Variants in RPS6KA2 observed in about 807,000 individuals in gnomAD.
RPS6KA2 encodes the protein ribosomal protein S6 kinase alpha-2.
In RPS6KA2, 42 loss-of-function variants were observed where a neutral mutation model predicts 91.8. The observed-to-expected ratio is 0.46, with a 90% CI of 0.36 to 0.59. The LOEUF is 0.59. RPS6KA2 is among the 20% of genes least tolerant of loss of function. The pLI, the probability that RPS6KA2 is intolerant of heterozygous loss-of-function variation, is 0.00. For missense variants in RPS6KA2, 798 were observed against 978.5 expected (o/e 0.82, Z 2.46); for synonymous variants, 414 against 393.6 (o/e 1.05, Z -0.61).
rs1780686734 is a variant in RPS6KA2 at position 166,849,578 on chromosome 6, C to T, written c.123+8622G>A. ...TGGAGGACCCCAGGCCACCCCCGCCCGTGGAAATCCATGAGACCGTTCATC... is the reference window on the plus strand; with the variant it reads ...TGGAGGACCCCAGGCCACCCCCGCCTGTGGAAATCCATGAGACCGTTCATC... On this transcript the variant is annotated intron_variant, in intron 2 of 21. Coordinates refer to the RPS6KA2 transcript ENST00000503859. This position sits in a 1 kb window ranked among gnomAD's most constrained non-coding sequence, Gnocchi z 4.9. 6.6e-6 allele frequency among the ~76,000 whole-genome samples: 1 copy of T among 152,246 alleles called. No homozygotes were observed.
At chr6:166,793,382 T>C (rs565992883) in intron 2 of RPS6KA2, among the ~76,000 whole-genome samples, 36 of 148,986 alleles carry the variant, frequency 2.4e-4, no homozygotes, top group Non-Finnish European at 3.4e-4. Flanking sequence ...GAACATTCCA[T>C]GCTCATGGGT....
intron 5 of RPS6KA2, among the ~76,000 whole-genome samples, chr6:166,506,519 G>A (rs914151481): frequency 4.6e-5 from 7 of 152,192 alleles, no homozygotes; most frequent in South Asian, 2.1e-4. Flanking sequence ...CACAGCAGGA[G>A]GCAAAGGAAG....
chr6:166,427,315 G>A (rs966297621), intron 16 of RPS6KA2, among the ~76,000 whole-genome samples: 17 of 152,112 alleles, frequency 1.1e-4, no homozygotes, highest in African/African-American at 4.1e-4. Context: ...AATAATAAGA[G>A]CTATCGATGA....
chr6:166,477,523 A>C (rs912852484), intron 10 of RPS6KA2, among the ~76,000 whole-genome samples: 2 of 152,258 alleles, frequency 1.3e-5, no homozygotes, highest in Admixed American at 1.3e-4. Flanking sequence ...CTCCCAGAAC[A>C]AGGGGAGAAA....
intron 2 of RPS6KA2, among the ~76,000 whole-genome samples, chr6:166,809,319 A>ATATC (rs1159011579): frequency 6.6e-6 from 1 of 152,198 alleles, no homozygotes; most frequent in Non-Finnish European, 1.5e-5. Context: ...TTAAACGAAA[A>ATATC]TATCTCCCTA....
At chr6:166,775,358 C>T (rs939539159) in intron 2 of RPS6KA2, among the ~76,000 whole-genome samples, 8 of 151,670 alleles carry the variant, frequency 5.3e-5, no homozygotes, top group Middle Eastern at 3.4e-3. Context: ...CAAATTTGCA[C>T]GTCTACCACT....
In RPS6KA2 at chr6:166,488,936, C is replaced by A; in HGVS notation, c.819-15G>T. ...CCAGCTTGGCTCTGAAAAACAAGAT[C>A]CTATTTTAGGATCTATTTTAGGAGA... On this transcript the variant is annotated splice_polypyrimidine_tract_variant and intron_variant, in intron 9 of 20. Coordinates refer to ENST00000265678, the MANE Select transcript of RPS6KA2 (RefSeq NM_021135.6). The A allele has an allele frequency of 6.2e-7, 1 of 1,605,632 alleles. No homozygotes were observed. The highest frequency in any genetic ancestry group is 8.5e-7 in the Non-Finnish European group (1 of 1,174,032).
chr6:166,485,720 A>G (rs1240406194), intron 10 of RPS6KA2, among the ~76,000 whole-genome samples: 1 of 150,270 alleles, frequency 6.7e-6, no homozygotes, highest in Non-Finnish European at 1.5e-5. Flanking sequence ...CACGGTGATG[A>G]ACGGGGGGGT....
At chr6:166,518,448 T>C in intron 3 of RPS6KA2, among the ~76,000 whole-genome samples, 1 of 152,006 alleles carries the variant, frequency 6.6e-6, no homozygotes, top group African/African-American at 2.4e-5. Flanking sequence ...AAAATATGAT[T>C]ATCTTAAACA....
chr6:166,827,196 G>A (rs1780068070), intron 2 of RPS6KA2, among the ~76,000 whole-genome samples: 1 of 135,404 alleles, frequency 7.4e-6, no homozygotes, highest in African/African-American at 2.8e-5. Context: ...TTGTACACCT[G>A]ATAATGAAAA....
intron 1 of RPS6KA2, among the ~76,000 whole-genome samples, chr6:166,583,572 G>A (rs1279192732): frequency 1.3e-5 from 2 of 152,184 alleles, no homozygotes; most frequent in African/African-American, 2.4e-5. Flanking sequence ...CTGTCCAGAG[G>A]TGACAAAGGA....
At position 166,474,617 on chromosome 6, in the gene RPS6KA2, G is replaced by C. The variant is rs180781541; in HGVS notation, c.908-4712C>G. 4.4e-3 allele frequency among the ~76,000 whole-genome samples: 647 copies of C among 146,556 alleles called. 9 individuals are homozygous for C. In the South Asian group the frequency reaches 0.049, roughly 11 times the overall value. On this transcript the variant is annotated intron_variant, in intron 10 of 20. Transcript: ENST00000265678. ...TACTCACTGCAAACTCCTGTCCTGG[G>C]GGGGAAGTCGGGAGATAACAAATAA... is the stretch of plus-strand genomic sequence containing the variant.
chr6:166,662,076 G>A lies in RPS6KA2; in HGVS notation c.124-123292C>T, dbSNP rs1437716685. Among the ~76,000 whole-genome samples, 1 of 152,226 alleles carries A rather than the reference G, an allele frequency of 6.6e-6. No individual in the cohort carries two copies. The highest frequency in any genetic ancestry group is 1.9e-4 in the East Asian group (1 of 5,204). On this transcript the variant is annotated intron_variant, in intron 2 of 21. Coordinates refer to the RPS6KA2 transcript ENST00000503859. The surrounding 1 kb of genome is among the most constrained non-coding windows in gnomAD (Gnocchi z 4.3). The stretch of plus-strand genomic sequence containing the variant: ...TCCTGATTTAATGGGACAGTATTAA[G>A]TGAGTAAAGATAGGGGTTGTTTATC...
chr6:166,827,742 G>A (rs1249904504), intron 2 of RPS6KA2, among the ~76,000 whole-genome samples: 5 of 152,174 alleles, frequency 3.3e-5, no homozygotes, highest in East Asian at 3.9e-4. Context: ...ATCAGAATAC[G>A]ATGTGTATGG....
intron 11 of RPS6KA2, among the ~76,000 whole-genome samples, chr6:166,469,323 G>GTTTT (rs1173909271): frequency 2.7e-4 from 27 of 101,466 alleles, no homozygotes; most frequent in Admixed American, 4.2e-4. Flanking sequence ...ACTCGGCACT[G>GTTTT]TTGTTTTTTT....
intron 8 of RPS6KA2, among the ~76,000 whole-genome samples, chr6:166,491,160 C>T (rs1781575015): frequency 6.6e-6 from 1 of 152,150 alleles, no homozygotes; most frequent in Admixed American, 6.5e-5. Flanking sequence ...ATGTTGAACA[C>T]CCATGCATGC....
At chr6:166,596,862 C>A (rs554347452) in intron 1 of RPS6KA2, among the ~76,000 whole-genome samples, 3 of 152,290 alleles carry the variant, frequency 2.0e-5, no homozygotes, top group Admixed American at 6.5e-5. Flanking sequence ...GGGGTTTCCA[C>A]CACTGAAATC....
intron 2 of RPS6KA2, among the ~76,000 whole-genome samples, chr6:166,777,947 AG>A (rs1422970381): frequency 1.4e-5 from 2 of 146,378 alleles, no homozygotes; most frequent in Admixed American, 1.3e-4. Flanking sequence ...AAGATATAAA[AG>A]AAGACTAAAG....
chr6:166,689,388 G>T (rs1789130128), intron 2 of RPS6KA2, among the ~76,000 whole-genome samples: 1 of 152,204 alleles, frequency 6.6e-6, no homozygotes, highest in Non-Finnish European at 1.5e-5. Context: ...ATGTGTGCGT[G>T]GCTTCCCAAC....
Sources: gnomAD v4.1 joint callset for allele counts (sites outside exome capture counted in the v4.1 genomes callset) on GRCh38, gnomAD v4.1.1 for gene constraint, Gnocchi (gnomAD v3.1) non-coding constraint, MANE v1.5 for transcripts, NCBI Gene and HGNC (gene_info 2026-07-23, HGNC 2026-07-21) for gene names.